The following CLASP2 variants were observed in gnomAD, a reference collection of about 807,000 sequenced individuals.
CLASP2 encodes cytoplasmic linker associated protein 2, also known as CLIP-associating protein 2.
Under a neutral mutation model 194.4 loss-of-function variants are expected in CLASP2, and 47 were observed. The observed-to-expected ratio is 0.24, with a 90% CI of 0.19 to 0.31. CLASP2 has a LOEUF of 0.31. Ranked by LOEUF, CLASP2 falls within the 10% of genes least tolerant of loss-of-function variation. The pLI, the probability that CLASP2 is intolerant of heterozygous loss-of-function variation, is 1.00. For synonymous variants in CLASP2, 619 were observed against 633.5 expected, an observed-to-expected ratio of 0.98 and a Z score of 0.34; for missense variants, 1,445 against 1,823.6, an observed-to-expected ratio of 0.79 and a Z score of 3.78.
chr3:33,608,855 T>C (rs187146876), intron 13 of CLASP2, among the ~76,000 whole-genome samples: 5 of 149,110 alleles, frequency 3.4e-5, no homozygotes, highest in African/African-American at 9.9e-5. Flanking sequence ...CGGGTTCAAG[T>C]GATTCTCTTG....
intron 36 of CLASP2, among the ~76,000 whole-genome samples, chr3:33,515,100 G>T (rs2050928248): frequency 6.6e-6 from 1 of 152,034 alleles, no homozygotes; most frequent in Non-Finnish European, 1.5e-5. Context: ...AGGGATAAAA[G>T]ACTACACATT....
intron 6 of CLASP2, among the ~76,000 whole-genome samples, chr3:33,679,142 A>G (rs964519890): frequency 6.6e-6 from 1 of 152,182 alleles, no homozygotes; most frequent in Non-Finnish European, 1.5e-5. Flanking sequence ...AGAATAAAAG[A>G]TAGTTTCTTC....
chr3:33,678,952 G>C (rs1430705634), intron 6 of CLASP2, among the ~76,000 whole-genome samples: 3 of 152,080 alleles, frequency 2.0e-5, no homozygotes, highest in African/African-American at 7.2e-5. Context: ...AAAAGATCTA[G>C]AATAGCTAAC....
chr3:33,653,597 T>C (rs1245395334), intron 7 of CLASP2, among the ~76,000 whole-genome samples: 1 of 152,194 alleles, frequency 6.6e-6, no homozygotes, highest in Non-Finnish European at 1.5e-5. Context: ...GGTTAAACTT[T>C]TAGGTGTGAC....
At chr3:33,512,925 A>C (rs887281697) in intron 36 of CLASP2, among the ~76,000 whole-genome samples, 5 of 151,950 alleles carry the variant, frequency 3.3e-5, no homozygotes, top group African/African-American at 4.8e-5. Context: ...AGAGAGGCAG[A>C]GATTGCAGTG....
intron 8 of CLASP2, among the ~76,000 whole-genome samples, chr3:33,633,913 A>G (rs2079595614): frequency 6.6e-6 from 1 of 152,230 alleles, no homozygotes; most frequent in Admixed American, 6.5e-5. Context: ...ACATATGTCT[A>G]TTGGGGTGTC....
At chr3:33,577,100 T>A in intron 23 of CLASP2, 1 of 924,732 alleles carries the variant, frequency 1.1e-6, no homozygotes, top group Non-Finnish European at 1.6e-6. Flanking sequence ...ATTTAAATAA[T>A]AAAAAATCAA....
At chr3:33,551,506 A>T in intron 29 of CLASP2, 111 bp from the exon 30 acceptor site, 1 of 1,058,084 alleles carries the variant, frequency 9.5e-7, no homozygotes, top group East Asian at 2.6e-5. Flanking sequence ...TTATATACAG[A>T]TAGGGTCTTA....
chr3:33,654,188 G>C (rs2083736910), intron 7 of CLASP2, among the ~76,000 whole-genome samples: 1 of 152,166 alleles, frequency 6.6e-6, no homozygotes, highest in African/African-American at 2.4e-5. Context: ...AGAAAGTACA[G>C]GGATGAGCAC....
chr3:33,622,598 C>T (rs753906276), intron 10 of CLASP2, among the ~76,000 whole-genome samples: 2 of 151,878 alleles, frequency 1.3e-5, no homozygotes, highest in Non-Finnish European at 2.9e-5. Context: ...AGCTTAATCC[C>T]CAGTGTGATA....
chr3:33,648,975 T>C (rs1285370750), intron 7 of CLASP2, among the ~76,000 whole-genome samples: 1 of 152,188 alleles, frequency 6.6e-6, no homozygotes, highest in Non-Finnish European at 1.5e-5. Context: ...CTGTTCAAAA[T>C]CCTCCTATGA....
intron 18 of CLASP2, among the ~76,000 whole-genome samples, chr3:33,601,237 G>A (rs1211386595): frequency 6.6e-6 from 1 of 152,114 alleles, no homozygotes; most frequent in East Asian, 1.9e-4. Flanking sequence ...TGGGATTACA[G>A]GTGTGAGCCA....
intron 10 of CLASP2, among the ~76,000 whole-genome samples, chr3:33,626,693 A>G (rs2078113557): frequency 6.6e-6 from 1 of 152,158 alleles, no homozygotes. Context: ...ATAAGTCCAC[A>G]GAAAGGCTAA....
chr3:33,537,881 C>T (rs1334054321), intron 33 of CLASP2, among the ~76,000 whole-genome samples: 1 of 152,194 alleles, frequency 6.6e-6, no homozygotes, highest in East Asian at 1.9e-4. Context: ...GTGGCTCACA[C>T]CTGTAATCCC....
chr3:33,573,023 C>A (rs1227884551), intron 25 of CLASP2, 87 bp downstream of exon 25: 1 of 1,454,374 alleles, frequency 6.9e-7, no homozygotes, highest in African/African-American at 1.4e-5. Context: ...TGTTTCTACA[C>A]CAGTATCTCT....
chr3:33,552,414 G>A (rs965072634), intron 29 of CLASP2, among the ~76,000 whole-genome samples: 3 of 152,152 alleles, frequency 2.0e-5, no homozygotes, highest in Non-Finnish European at 4.4e-5. Flanking sequence ...ACCGTGCCCG[G>A]CCTATTCTCC....
chr3:33,588,973 A>G (rs1253185425), intron 21 of CLASP2, among the ~76,000 whole-genome samples: 2 of 152,184 alleles, frequency 1.3e-5, no homozygotes, highest in Admixed American at 1.3e-4. Context: ...TCATGTACAA[A>G]GCAGATGAAA....
intron 1 of CLASP2, among the ~76,000 whole-genome samples, chr3:33,711,037 G>C (rs1575778219): frequency 6.6e-6 from 1 of 152,158 alleles, no homozygotes; most frequent in East Asian, 1.9e-4. Flanking sequence ...AGGACCAAGG[G>C]GAGAGGAAAA....
chr3:33,701,055 A>G (rs895093886), intron 1 of CLASP2, among the ~76,000 whole-genome samples: 8 of 152,222 alleles, frequency 5.3e-5, no homozygotes, highest in Non-Finnish European at 1.5e-5. Flanking sequence ...TGGTATATAC[A>G]CACATACACA....
Sources: allele counts gnomAD v4.1 joint callset (sites outside exome capture counted in the v4.1 genomes callset), GRCh38; gene constraint gnomAD v4.1.1; transcripts MANE v1.5; gene names NCBI Gene and HGNC (gene_info 2026-07-23, HGNC 2026-07-21).